PHLPP1: variants seen among roughly 807,000 people sequenced by gnomAD.
The protein encoded by PHLPP1 is PH domain and leucine rich repeat protein phosphatase 1.
Under a neutral mutation model 117.2 loss-of-function variants are expected in PHLPP1, and 42 were observed. The observed-to-expected ratio is 0.36, with a 90% CI of 0.28 to 0.46. The LOEUF is 0.46. Ranked by LOEUF, PHLPP1 falls within the 20% of genes least tolerant of loss-of-function variation. The probability of loss-of-function intolerance (pLI) is 1.00; values close to 1 mark genes in which losing one functional copy is unlikely to be tolerated. For synonymous variants in PHLPP1, 1,042 were observed against 970.7 expected, an observed-to-expected ratio of 1.07 and a Z score of -1.37; for missense variants, 2,084 against 2,241.9, an observed-to-expected ratio of 0.93 and a Z score of 1.42.
intron 1 of PHLPP1, among the ~76,000 whole-genome samples, chr18:62,752,814 G>A (rs76777972): frequency 0.035 from 5,301 of 152,262 alleles, 297 homozygotes; most frequent in African/African-American, 0.12. Flanking sequence ...TACTGTCTCA[G>A]TAGATCCTTA....
intron 15 of PHLPP1, among the ~76,000 whole-genome samples, chr18:62,973,958 A>T (rs1466597066): frequency 6.6e-6 from 1 of 152,210 alleles, no homozygotes; most frequent in African/African-American, 2.4e-5. Context: ...TAGCAGGCAC[A>T]TCAGCTTTCC....
chr18:62,888,561 C>T (rs1455765312), intron 4 of PHLPP1, among the ~76,000 whole-genome samples: 3 of 151,958 alleles, frequency 2.0e-5, no homozygotes, highest in East Asian at 1.9e-4. Context: ...CTTAGCTGGA[C>T]GTGGTGATGC....
At chr18:62,824,221 A>G (rs1462064955) in intron 1 of PHLPP1, 7 of 456,248 alleles carry the variant, frequency 1.5e-5, no homozygotes, top group Non-Finnish European at 2.6e-5. Context: ...CAAACCAGCC[A>G]TTCCAATCCT....
chr18:62,736,626 G>T (rs1481182367), intron 1 of PHLPP1, among the ~76,000 whole-genome samples: 1 of 152,196 alleles, frequency 6.6e-6, no homozygotes, highest in Non-Finnish European at 1.5e-5. Flanking sequence ...GCGACATAAT[G>T]AATGAAAGTG....
intron 4 of PHLPP1, among the ~76,000 whole-genome samples, chr18:62,890,087 TAGTAG>T (rs4048452): frequency 0.58 from 87,892 of 150,954 alleles, 25,782 homozygotes; most frequent in Middle Eastern, 0.67. Context: ...TACGTAAAGC[TAGTAG>T]AGTAGTGTTT....
chr18:62,762,457 A>G (rs1400895283), intron 1 of PHLPP1, among the ~76,000 whole-genome samples: 3 of 138,210 alleles, frequency 2.2e-5, no homozygotes, highest in African/African-American at 5.5e-5. Flanking sequence ...AGTTTCACCC[A>G]GGCTGGAGTG....
chr18:62,895,916 T>G lies in PHLPP1; in HGVS notation c.2349T>G (p.Thr783=). ...TDIPEVLEKL[T]AVDKLCMSGN... ...TTCCCGAAGTATTGGAGAAATTGAC[T>G]GCTGTGGATAAACTTTGTATGTCTG... Residue 783 remains threonine, a synonymous_variant, in exon 6 of 17, where the codon ACT becomes ACG. Transcript: ENST00000262719. 6.2e-7 allele frequency: 1 copy of G among 1,613,720 alleles called. No homozygotes were observed. Among genetic ancestry groups the G allele is most frequent in the African/African-American group, 1.3e-5 (1 of 75,044 alleles).
intron 1 of PHLPP1, among the ~76,000 whole-genome samples, chr18:62,801,087 C>A (rs973834089): frequency 7.5e-6 from 1 of 133,214 alleles, no homozygotes; most frequent in African/African-American, 2.8e-5. Flanking sequence ...CTTGCCCTAT[C>A]TCCCAGGCTG....
chr18:62,779,471 C>G (rs1913059235), intron 1 of PHLPP1: 1 of 152,212 alleles, frequency 6.6e-6, no homozygotes, highest in Non-Finnish European at 1.5e-5. Flanking sequence ...TGGAGACACA[C>G]AGCAGGTGCT....
In PHLPP1 at chr18:62,899,514, T is replaced by C. The variant is rs531213307; in HGVS notation, c.2445-3450T>C. On this transcript the variant is annotated intron_variant, in intron 6 of 16. Transcript: ENST00000262719. ...TTTGCTTCCTTTTCCATAGCCTCTTTTTTAAAAAACCATTCTCTACATTTT... is the reference window on the plus strand; with the variant it reads ...TTTGCTTCCTTTTCCATAGCCTCTTCTTTAAAAAACCATTCTCTACATTTT... Among the ~76,000 whole-genome samples, 12 of 151,876 alleles carry C rather than the reference T, an allele frequency of 7.9e-5. No individual in the cohort carries two copies. In the South Asian group the frequency reaches 1.9e-3, roughly 24 times the overall value.
chr18:62,767,045 A>G (rs965036530), intron 1 of PHLPP1, among the ~76,000 whole-genome samples: 1 of 152,232 alleles, frequency 6.6e-6, no homozygotes, highest in Non-Finnish European at 1.5e-5. Context: ...CTCTCCTGCC[A>G]GATCCTTGGA....
rs1599044268 is a variant in PHLPP1, at chr18:62,781,700, GA to G, written c.1577-48334del. Among the ~76,000 whole-genome samples, 3 of 152,062 alleles carry G rather than the reference GA, an allele frequency of 2.0e-5. No individual in the cohort carries two copies. The South Asian group carries it at 6.2e-4, about 31-fold the overall frequency. ...CAAATTAATTATGTTAAATATGTGT[GA>G]TTTTAATTTATAGTCAAACTGTCTT... On this transcript the variant is annotated intron_variant, in intron 1 of 16. Transcript: ENST00000262719.
chr18:62,937,047 AT>A (rs923228915), intron 10 of PHLPP1, among the ~76,000 whole-genome samples: 3 of 152,236 alleles, frequency 2.0e-5, no homozygotes, highest in African/African-American at 7.2e-5. Flanking sequence ...CAGAAAAATC[AT>A]TTTTACAATA....
chr18:62,716,136 C>T lies in PHLPP1; in HGVS notation c.453C>T (p.Ser151=), dbSNP rs991879824. 6.6e-7 allele frequency: 1 copy of T among 1,518,830 alleles called. No individual in the cohort carries two copies. Among genetic ancestry groups the T allele is most frequent in the South Asian group, 1.2e-5 (1 of 82,112 alleles). 94.1% of individuals were successfully genotyped at this position (1,518,830 alleles called of 1,614,324 possible). The change falls in exon 1 of 17, where the codon TCC becomes TCT. Residue 151 remains serine, a synonymous_variant. Transcript: ENST00000262719. This position sits in a 1 kb window ranked among gnomAD's most constrained non-coding sequence, Gnocchi z 5.7. ...CCTCGGCCGCTGCTGCCTCGCACTC[C>T]CCCGGCGCTGCCGGCCTCCCCGCCT... ...SSSSAAAASH[S]PGAAGLPASC...
At chr18:62,796,180 A>G (rs1463593390) in intron 1 of PHLPP1, among the ~76,000 whole-genome samples, 1 of 152,262 alleles carries the variant, frequency 6.6e-6, no homozygotes, top group Non-Finnish European at 1.5e-5. Context: ...GTTAAAAGTA[A>G]ATTCCAAGTT....
At chr18:62,871,584 T>C (rs1203663847) in intron 4 of PHLPP1, among the ~76,000 whole-genome samples, 4 of 151,466 alleles carry the variant, frequency 2.6e-5, no homozygotes, top group African/African-American at 7.3e-5. Flanking sequence ...TGCCTCGGCC[T>C]CCGAAAGTGC....
chr18:62,776,362 A>T (rs1361263602), intron 1 of PHLPP1, among the ~76,000 whole-genome samples: 5 of 152,118 alleles, frequency 3.3e-5, no homozygotes, highest in Non-Finnish European at 5.9e-5. Flanking sequence ...TTTTGTTCTT[A>T]TTGCCGTCGA....
intron 4 of PHLPP1, among the ~76,000 whole-genome samples, chr18:62,871,251 T>C (rs1915892914): frequency 6.6e-6 from 1 of 152,208 alleles, no homozygotes; most frequent in South Asian, 2.1e-4. Context: ...TATGAACTTA[T>C]TCACACTAAA....
At chr18:62,787,348 A>T (rs1220337373) in intron 1 of PHLPP1, among the ~76,000 whole-genome samples, 4 of 152,140 alleles carry the variant, frequency 2.6e-5, no homozygotes, top group Admixed American at 2.0e-4. Flanking sequence ...TTGTATTTTT[A>T]ATAGAGACGG....
Sources: allele counts gnomAD v4.1 joint callset (sites outside exome capture counted in the v4.1 genomes callset), GRCh38; gene constraint gnomAD v4.1.1; non-coding constraint Gnocchi (gnomAD v3.1); transcripts MANE v1.5; gene names NCBI Gene and HGNC (gene_info 2026-07-23, HGNC 2026-07-21).